The following FBLN7 variants were observed in gnomAD, a reference collection of about 807,000 sequenced individuals.
FBLN7 encodes fibulin-7.
FBLN7 carries 31 observed loss-of-function variants against 44.0 expected under a neutral mutation model. The ratio of observed to expected loss-of-function variants is 0.70; its 90% CI spans 0.53 to 0.95. The LOEUF is 0.95. Ranked by LOEUF, FBLN7 falls within the 40% of genes least tolerant of loss-of-function variation. The pLI is 0.00. For missense variants in FBLN7, 573 were observed against 618.5 expected, an observed-to-expected ratio of 0.93 and a Z score of 0.78; for synonymous variants, 262 against 253.4, an observed-to-expected ratio of 1.03 and a Z score of -0.32.
the FBLN7 span, among the ~76,000 whole-genome samples, chr2:112,222,321 GT>G: frequency 6.6e-6 from 1 of 152,162 alleles, no homozygotes; most frequent in Non-Finnish European, 1.5e-5. Context: ...CAGAGTTCAG[GT>G]AGAAGTGGGA....
chr2:112,235,498 C>T, the FBLN7 span, among the ~76,000 whole-genome samples: 1 of 152,140 alleles, frequency 6.6e-6, no homozygotes, highest in Non-Finnish European at 1.5e-5. Context: ...CTTCAGATTC[C>T]TCATTCATAA....
At chr2:112,148,738 G>A (rs4550679) in intron 1 of FBLN7, among the ~76,000 whole-genome samples, 12,029 of 152,288 alleles carry the variant, frequency 0.079, 621 homozygotes, top group South Asian at 0.13. Context: ...CCTCCAGGAG[G>A]CTAGCTGGGG....
At chr2:112,224,916 CAT>C in the FBLN7 span, among the ~76,000 whole-genome samples, 1 of 152,168 alleles carries the variant, frequency 6.6e-6, no homozygotes, top group Non-Finnish European at 1.5e-5. Context: ...TGGTTATACA[CAT>C]GTCAAAACTC....
the FBLN7 span, among the ~76,000 whole-genome samples, chr2:112,199,985 G>C: frequency 2.0e-5 from 3 of 152,164 alleles, no homozygotes; most frequent in Non-Finnish European, 4.4e-5. Flanking sequence ...AGAACCATGA[G>C]CTAAACATTT....
At chr2:112,178,301 C>T (rs1356471208) in intron 4 of FBLN7, among the ~76,000 whole-genome samples, 1 of 142,236 alleles carries the variant, frequency 7.0e-6, no homozygotes, top group Non-Finnish European at 1.6e-5. Context: ...AAACCAGGAA[C>T]AAAAAATAGT....
the FBLN7 span, among the ~76,000 whole-genome samples, chr2:112,203,168 C>T: frequency 6.6e-6 from 1 of 152,138 alleles, no homozygotes; most frequent in African/African-American, 2.4e-5. Context: ...CCAAGAAAGA[C>T]CTGAAAGGGT....
intron 6 of FBLN7, among the ~76,000 whole-genome samples, chr2:112,184,980 C>A (rs578092488): frequency 5.3e-4 from 80 of 151,906 alleles, no homozygotes; most frequent in Admixed American, 4.1e-3. Flanking sequence ...ACCTGTCATA[C>A]CCCAGGGAAA....
At chr2:112,178,116 C>T (rs574826326) in intron 4 of FBLN7, 4 of 151,888 alleles carry the variant, frequency 2.6e-5, no homozygotes, top group Admixed American at 6.6e-5. Context: ...TGCAGTAAGC[C>T]GAGATCGTGC....
chr2:112,219,399 A>G, the FBLN7 span, among the ~76,000 whole-genome samples: 1 of 152,222 alleles, frequency 6.6e-6, no homozygotes, highest in Non-Finnish European at 1.5e-5. Context: ...GTGAAGTTGG[A>G]CCACTGTCTT....
At chr2:112,234,661 G>A in the FBLN7 span, among the ~76,000 whole-genome samples, 3 of 152,104 alleles carry the variant, frequency 2.0e-5, no homozygotes, top group Non-Finnish European at 4.4e-5. Flanking sequence ...TTAGCTGGGA[G>A]TGGTGGTGTG....
chr2:112,192,842 G>C (rs942150313), downstream of FBLN7, among the ~76,000 whole-genome samples: 2 of 152,204 alleles, frequency 1.3e-5, no homozygotes, highest in African/African-American at 4.8e-5. Flanking sequence ...ATTCCTGAAT[G>C]TCTAGTGCGT....
intron 1 of FBLN7, among the ~76,000 whole-genome samples, chr2:112,150,653 G>A (rs1317743359): frequency 6.6e-6 from 1 of 152,136 alleles, no homozygotes; most frequent in Non-Finnish European, 1.5e-5. Context: ...ATCTTGGCTC[G>A]GATCCTTCCT....
downstream of FBLN7, chr2:112,189,822 CT>C (rs1683425319): frequency 6.6e-6 from 1 of 152,178 alleles, no homozygotes; most frequent in Non-Finnish European, 1.5e-5. Flanking sequence ...TAGAATGTAT[CT>C]CTAAAAGACA....
At chr2:112,225,749 G>A in the FBLN7 span, among the ~76,000 whole-genome samples, 16 of 151,862 alleles carry the variant, frequency 1.1e-4, no homozygotes. Flanking sequence ...CCCAGGAGAC[G>A]GAAGTTGCAG....
chr2:112,168,240 A>G (rs1378594057), intron 3 of FBLN7, among the ~76,000 whole-genome samples: 1 of 152,202 alleles, frequency 6.6e-6, no homozygotes, highest in Non-Finnish European at 1.5e-5. Flanking sequence ...CTTCCACACC[A>G]AAGAGCTGCA....
chr2:112,217,554 GTTTA>G, the FBLN7 span, among the ~76,000 whole-genome samples: 2 of 152,118 alleles, frequency 1.3e-5, no homozygotes, highest in African/African-American at 2.4e-5. Context: ...ATTGTGCATT[GTTTA>G]TTTAGAAAAT....
At chr2:112,182,207 C>T (rs1038314641) in intron 5 of FBLN7, among the ~76,000 whole-genome samples, 2 of 152,154 alleles carry the variant, frequency 1.3e-5, no homozygotes, top group African/African-American at 4.8e-5. Context: ...CTTAAATCGC[C>T]GTGTTGGTAG....
At chr2:112,195,606 CA>C in the FBLN7 span, among the ~76,000 whole-genome samples, 1 of 152,134 alleles carries the variant, frequency 6.6e-6, no homozygotes, top group Non-Finnish European at 1.5e-5. Flanking sequence ...CTGTAGGAGG[CA>C]AGAACATTGC....
chr2:112,229,894 T>C, the FBLN7 span, among the ~76,000 whole-genome samples: 1 of 143,162 alleles, frequency 7.0e-6, no homozygotes, highest in African/African-American at 2.6e-5. Flanking sequence ...AAAGTAGGCA[T>C]AAACAAAAAG....
Sources: allele counts gnomAD v4.1 joint callset (sites outside exome capture counted in the v4.1 genomes callset), GRCh38; gene constraint gnomAD v4.1.1; transcripts MANE v1.5; gene names NCBI Gene and HGNC (gene_info 2026-07-23, HGNC 2026-07-21).